PIK3C2G: variants seen among roughly 807,000 people sequenced by gnomAD.
The protein encoded by PIK3C2G is phosphatidylinositol 3-kinase C2 domain-containing subunit gamma.
A neutral mutation model predicts 181.1 loss-of-function variants in PIK3C2G; 168 were observed. The ratio of observed to expected loss-of-function variants is 0.93; its 90% CI spans 0.82 to 1.05. PIK3C2G has a LOEUF of 1.05. Among genes scored for constraint, PIK3C2G ranks in the 50% least tolerant of loss-of-function variants. The pLI is 0.00. For missense variants in PIK3C2G, 1,869 were observed against 1,732.8 expected, an observed-to-expected ratio of 1.08 and a Z score of -1.40; for synonymous variants, 573 against 592.2, an observed-to-expected ratio of 0.97 and a Z score of 0.47.
At chr12:18,702,212 G>A in the PIK3C2G span, among the ~76,000 whole-genome samples, 2 of 151,964 alleles carry the variant, frequency 1.3e-5, no homozygotes, top group Admixed American at 1.3e-4. Context: ...TCTATCATAA[G>A]TGTCTGGCAT....
At chr12:18,296,970 C>T (rs773337774) in intron 5 of PIK3C2G, among the ~76,000 whole-genome samples, 20 of 152,006 alleles carry the variant, frequency 1.3e-4, no homozygotes, top group Non-Finnish European at 1.5e-5. Flanking sequence ...CTTTAACTCC[C>T]GGTTTAATTA....
the PIK3C2G span, among the ~76,000 whole-genome samples, chr12:18,675,132 G>T: frequency 6.6e-6 from 1 of 152,116 alleles, no homozygotes. Context: ...ATTTTAAATT[G>T]TATTTGATTT....
chr12:18,405,283 C>G (rs1944458865), intron 16 of PIK3C2G, among the ~76,000 whole-genome samples: 1 of 152,106 alleles, frequency 6.6e-6, no homozygotes, highest in Non-Finnish European at 1.5e-5. Flanking sequence ...TGTTGGCTTT[C>G]AGGCAGTAGT....
the PIK3C2G span, among the ~76,000 whole-genome samples, chr12:18,678,499 A>G: frequency 6.6e-6 from 1 of 151,988 alleles, no homozygotes; most frequent in African/African-American, 2.4e-5. Context: ...GCTCCTTTTA[A>G]TCCATCCCTC....
At chr12:18,506,497 T>G (rs1178740670) in intron 24 of PIK3C2G, among the ~76,000 whole-genome samples, 1 of 152,110 alleles carries the variant, frequency 6.6e-6, no homozygotes, top group African/African-American at 2.4e-5. Context: ...ATTCAGAATA[T>G]ATTTTGAAGA....
chr12:18,457,030 T>A (rs1346688088), intron 18 of PIK3C2G, among the ~76,000 whole-genome samples: 2 of 152,064 alleles, frequency 1.3e-5, no homozygotes, highest in African/African-American at 2.4e-5. Flanking sequence ...AATGGTGACT[T>A]TCAAAGCATT....
At chr12:18,674,365 T>G in the PIK3C2G span, among the ~76,000 whole-genome samples, 1 of 151,732 alleles carries the variant, frequency 6.6e-6, no homozygotes, top group East Asian at 1.9e-4. Flanking sequence ...TATGTTTGTT[T>G]TACATGTCTG....
At chr12:18,445,433 T>A (rs1011140117) in intron 18 of PIK3C2G, among the ~76,000 whole-genome samples, 2 of 147,862 alleles carry the variant, frequency 1.4e-5, no homozygotes, top group African/African-American at 5.0e-5. Context: ...AAAAAAAAAA[T>A]TGGTGGCAGC....
At chr12:18,249,856 T>C (rs1948078376) in intron 1 of PIK3C2G, among the ~76,000 whole-genome samples, 1 of 152,086 alleles carries the variant, frequency 6.6e-6, no homozygotes, top group Non-Finnish European at 1.5e-5. Flanking sequence ...AAACTGTCCT[T>C]TTTAAACTTT....
intron 12 of PIK3C2G, among the ~76,000 whole-genome samples, chr12:18,365,121 C>A (rs146346968): frequency 6.6e-6 from 1 of 152,124 alleles, no homozygotes; most frequent in Admixed American, 6.6e-5. Flanking sequence ...TGGCCCAGTT[C>A]CCACAACCAG....
chr12:18,313,438 T>A (rs1950722729), intron 5 of PIK3C2G, among the ~76,000 whole-genome samples: 1 of 152,078 alleles, frequency 6.6e-6, no homozygotes, highest in Non-Finnish European at 1.5e-5. Flanking sequence ...ATAGTTTTAG[T>A]TTAATTGGCC....
chr12:18,487,836 C>A (rs1425480530), intron 18 of PIK3C2G, among the ~76,000 whole-genome samples: 1 of 151,944 alleles, frequency 6.6e-6, no homozygotes, highest in Non-Finnish European at 1.5e-5. Flanking sequence ...TATAGAATTA[C>A]CTTATTTTAA....
At chr12:18,382,799 A>C (rs572821580) in intron 14 of PIK3C2G, among the ~76,000 whole-genome samples, 1 of 152,344 alleles carries the variant, frequency 6.6e-6, no homozygotes, top group South Asian at 2.1e-4. Context: ...CTCTAGAAGA[A>C]GTCAGTAGAG....
At chr12:18,329,327 T>C (rs553908605) in intron 8 of PIK3C2G, among the ~76,000 whole-genome samples, 55 of 152,058 alleles carry the variant, frequency 3.6e-4, no homozygotes, top group Non-Finnish European at 7.5e-4. Context: ...CCCACTCTTA[T>C]TAATAAATTA....
chr12:18,464,661 T>C (rs1385652820), intron 18 of PIK3C2G, among the ~76,000 whole-genome samples: 6 of 152,248 alleles, frequency 3.9e-5, no homozygotes, highest in Non-Finnish European at 5.9e-5. Flanking sequence ...CAAAAATATA[T>C]TATTTAGTTT....
intron 31 of PIK3C2G, among the ~76,000 whole-genome samples, chr12:18,622,991 G>A (rs946151130): frequency 1.3e-4 from 20 of 151,638 alleles, no homozygotes; most frequent in Non-Finnish European, 2.7e-4. Flanking sequence ...CCATTCTATA[G>A]GTTGTCTCTT....
At chr12:18,343,591 G>T (rs957908261) in intron 10 of PIK3C2G, among the ~76,000 whole-genome samples, 1 of 151,466 alleles carries the variant, frequency 6.6e-6, no homozygotes, top group African/African-American at 2.4e-5. Flanking sequence ...TAAACTTTTA[G>T]CCTGATATTT....
At chr12:18,372,181 T>G (rs1230913188) in intron 13 of PIK3C2G, among the ~76,000 whole-genome samples, 3 of 151,954 alleles carry the variant, frequency 2.0e-5, no homozygotes. Flanking sequence ...TTAATTCTGA[T>G]GTAAGCTGTG....
At chr12:18,263,228 T>G (rs931786346) in intron 1 of PIK3C2G, among the ~76,000 whole-genome samples, 2 of 152,110 alleles carry the variant, frequency 1.3e-5, no homozygotes, top group Non-Finnish European at 2.9e-5. Flanking sequence ...TTTAAAAATG[T>G]TTTTTAAGTT....
Sources: allele counts gnomAD v4.1 joint callset (sites outside exome capture counted in the v4.1 genomes callset), GRCh38; gene constraint gnomAD v4.1.1; transcripts MANE v1.5; gene names NCBI Gene and HGNC (gene_info 2026-07-23, HGNC 2026-07-21).